The following REEP3 variants were observed in gnomAD, a reference collection of about 807,000 sequenced individuals.
REEP3 encodes the protein receptor accessory protein 3.
REEP3 carries 20 observed loss-of-function variants against 41.3 expected under a neutral mutation model. The observed-to-expected ratio is 0.48, with a 90% CI of 0.34 to 0.70. REEP3 has a LOEUF of 0.70. Among genes scored for constraint, REEP3 ranks in the 30% least tolerant of loss-of-function variants. The probability of loss-of-function intolerance (pLI) is 0.01; values close to 1 mark genes in which losing one functional copy is unlikely to be tolerated. For synonymous variants in REEP3, 104 were observed against 101.8 expected, an observed-to-expected ratio of 1.02 and a Z score of -0.13; for missense variants, 271 against 308.8, an observed-to-expected ratio of 0.88 and a Z score of 0.92.
intron 3 of REEP3, among the ~76,000 whole-genome samples, chr10:63,595,640 G>T (rs1332572380): frequency 6.6e-6 from 1 of 151,240 alleles, no homozygotes; most frequent in Non-Finnish European, 1.5e-5. Context: ...GCAGTGGCAC[G>T]ATCTCGGCTC....
chr10:63,620,573 CAT>C (rs1340020610), intron 7 of REEP3, among the ~76,000 whole-genome samples: 4 of 140,258 alleles, frequency 2.9e-5, no homozygotes, highest in African/African-American at 1.1e-4. Flanking sequence ...CTAAGCAAAA[CAT>C]AAATAATAGG....
At chr10:63,618,157 A>G (rs1430463213) in intron 6 of REEP3, among the ~76,000 whole-genome samples, 1 of 150,644 alleles carries the variant, frequency 6.6e-6, no homozygotes, top group African/African-American at 2.4e-5. Flanking sequence ...TCACCTGACA[A>G]TTTAAGTATT....
intron 1 of REEP3, among the ~76,000 whole-genome samples, chr10:63,556,617 T>TTTTTC (rs1564477573): frequency 3.2e-4 from 3 of 9,318 alleles, no homozygotes; most frequent in African/African-American, 1.0e-3. Context: ...TTTGCTTGTT[T>TTTTTC]TTTTTTTTGT....
At chr10:63,544,834 A>G (rs2133354626) in intron 1 of REEP3, among the ~76,000 whole-genome samples, 1 of 152,302 alleles carries the variant, frequency 6.6e-6, no homozygotes, top group Middle Eastern at 3.4e-3. Context: ...GGAAAAAAAT[A>G]CCCTATGTTA....
At chr10:63,551,918 T>C (rs1955632244) in intron 1 of REEP3, among the ~76,000 whole-genome samples, 1 of 152,190 alleles carries the variant, frequency 6.6e-6, no homozygotes, top group Non-Finnish European at 1.5e-5. Flanking sequence ...ATTTTAAGAA[T>C]AAGAGAAATC....
chr10:63,596,635 T>C (rs1956117676), intron 3 of REEP3, among the ~76,000 whole-genome samples: 1 of 152,198 alleles, frequency 6.6e-6, no homozygotes, highest in Non-Finnish European at 1.5e-5. Flanking sequence ...CCTCTCATTA[T>C]ATATTAGTGA....
chr10:63,596,112 GA>G (rs1370489794), intron 3 of REEP3, among the ~76,000 whole-genome samples: 20 of 151,748 alleles, frequency 1.3e-4, no homozygotes, highest in East Asian at 5.8e-4. Context: ...GGATTTGCAA[GA>G]AAAAAAATAG....
chr10:63,604,237 T>C (rs1956202582), intron 5 of REEP3, among the ~76,000 whole-genome samples: 1 of 152,208 alleles, frequency 6.6e-6, no homozygotes, highest in African/African-American at 2.4e-5. Context: ...TTACCAGGCA[T>C]CTGTTCGCAA....
In REEP3 at chr10:63,533,710, C is replaced by CTTTTTTTT. The variant is rs71025187; in HGVS notation, c.32+12141_32+12148dup. Among the ~76,000 whole-genome samples, 11 of 101,140 alleles carry CTTTTTTTT rather than the reference C, an allele frequency of 1.1e-4. 2 individuals carry two copies. Among genetic ancestry groups the CTTTTTTTT allele is most frequent in the African/African-American group, 1.7e-4 (5 of 30,292 alleles). 66.4% of individuals were successfully genotyped at this position (101,140 alleles called of 152,430 possible). On this transcript the variant is annotated intron_variant, in intron 1 of 7. Transcript: ENST00000373758. ...GAAAGAGCCTTGGAAGTATGTAAAT[C>CTTTTTTTT]TTTTTTTTTTTTTTTGAGACGGAGT...
At chr10:63,548,900 A>G (rs1466902491) in intron 1 of REEP3, among the ~76,000 whole-genome samples, 2 of 152,188 alleles carry the variant, frequency 1.3e-5, no homozygotes, top group African/African-American at 2.4e-5. Flanking sequence ...AGAATATACT[A>G]CTGTTACATG....
intron 5 of REEP3, among the ~76,000 whole-genome samples, chr10:63,607,097 A>C (rs565062995): frequency 2.6e-5 from 4 of 152,368 alleles, no homozygotes; most frequent in African/African-American, 9.6e-5. Context: ...AATTATACCC[A>C]TCCTTTAAAC....
At chr10:63,617,812 CTTTTTTTTT>C (rs60910642) in intron 6 of REEP3, among the ~76,000 whole-genome samples, 3 of 83,550 alleles carry the variant, frequency 3.6e-5, no homozygotes, top group East Asian at 1.0e-3. Context: ...TCCTTCTACT[CTTTTTTTTT>C]TTTTTTTTTT....
intron 1 of REEP3, among the ~76,000 whole-genome samples, chr10:63,536,871 T>C (rs1195329644): frequency 6.6e-6 from 1 of 152,192 alleles, no homozygotes; most frequent in Non-Finnish European, 1.5e-5. Context: ...TTGGCAAAGA[T>C]GTGTACAGCA....
At chr10:63,603,640 C>G (rs1956196282) in intron 5 of REEP3, among the ~76,000 whole-genome samples, 2 of 152,184 alleles carry the variant, frequency 1.3e-5, no homozygotes, top group Non-Finnish European at 2.9e-5. Flanking sequence ...GGATTTGGAA[C>G]TGTTCCCATT....
intron 1 of REEP3, among the ~76,000 whole-genome samples, chr10:63,533,104 G>A (rs1955439300): frequency 6.6e-6 from 1 of 152,194 alleles, no homozygotes; most frequent in African/African-American, 2.4e-5. Context: ...AACATCATGA[G>A]TGCAGTGTGT....
intron 2 of REEP3, among the ~76,000 whole-genome samples, chr10:63,581,646 G>A (rs1304707918): frequency 1.3e-5 from 2 of 152,024 alleles, no homozygotes; most frequent in African/African-American, 4.8e-5. Context: ...AGGAGGCTGA[G>A]GGAGGAAGAT....
intron 1 of REEP3, among the ~76,000 whole-genome samples, chr10:63,556,303 G>T (rs1280231464): frequency 6.6e-6 from 1 of 150,968 alleles, no homozygotes; most frequent in Non-Finnish European, 1.5e-5. Flanking sequence ...TGTATCTTTA[G>T]TAGAGACAGG....
chr10:63,614,284 C>T (rs1295297092), intron 6 of REEP3, among the ~76,000 whole-genome samples: 1 of 152,118 alleles, frequency 6.6e-6, no homozygotes, highest in Non-Finnish European at 1.5e-5. Flanking sequence ...ATCTAGTTAT[C>T]TATTGCTGCA....
chr10:63,608,477 C>G (rs1240799226), intron 5 of REEP3, among the ~76,000 whole-genome samples: 1 of 151,860 alleles, frequency 6.6e-6, no homozygotes, highest in Non-Finnish European at 1.5e-5. Flanking sequence ...ACTGTAATGC[C>G]CAAATGTTTG....
Sources: gnomAD v4.1 joint callset for allele counts (sites outside exome capture counted in the v4.1 genomes callset) on GRCh38, gnomAD v4.1.1 for gene constraint, MANE v1.5 for transcripts, NCBI Gene and HGNC (gene_info 2026-07-23, HGNC 2026-07-21) for gene names.